DKKL1: variants seen among roughly 807,000 people sequenced by gnomAD.
The protein encoded by DKKL1 is dickkopf like acrosomal protein 1.
In DKKL1, 11 loss-of-function variants were observed where a neutral mutation model predicts 16.5. The observed-to-expected ratio is 0.67, with a 90% CI of 0.42 to 1.10. The LOEUF is 1.10. Ranked by LOEUF, DKKL1 falls within the 50% of genes least tolerant of loss-of-function variation. DKKL1 has a pLI of 0.00. For missense variants in DKKL1, 320 were observed against 308.1 expected (o/e 1.04, Z -0.29); for synonymous variants, 119 against 133.2 (o/e 0.89, Z 0.73).
upstream of DKKL1, among the ~76,000 whole-genome samples, chr19:49,362,916 T>TTTTTTG (rs1555787013): frequency 2.2e-5 from 3 of 137,216 alleles, no homozygotes; most frequent in African/African-American, 8.4e-5. Flanking sequence ...TTTTGGTTTT[T>TTTTTTG]TTGTTTTTTG....
At chr19:49,363,818 C>G, upstream of DKKL1, 2 of 845,090 alleles carry the variant, frequency 2.4e-6, no homozygotes, top group African/African-American at 1.7e-5. Flanking sequence ...AAGTTTGGAG[C>G]GTGGTCAGAC....
chr19:49,363,507 G>T, upstream of DKKL1: 1 of 229,824 alleles, frequency 4.4e-6, no homozygotes. Flanking sequence ...GCAGGGGCGT[G>T]GTCCAGTGCA....
rs149880881 is a variant in DKKL1, at chr19:49,372,773, G to A, written c.418-1944G>A. ...TCCCAGCACTTTGGGAGGCCGAGGC[G>A]GGCAGATCACCTGAGGTCAGGAGTT... On this transcript the variant is annotated intron_variant, in intron 4 of 4. Coordinates refer to ENST00000221498, the MANE Select transcript of DKKL1 (RefSeq NM_014419.4). 3.0e-3 allele frequency among the ~76,000 whole-genome samples: 443 copies of A among 148,306 alleles called. 2 individuals carry two copies. The highest frequency in any genetic ancestry group is 0.01 in the African/African-American group (418 of 40,200).
Position 49,365,599 on chromosome 19 carries a change from G to A in DKKL1, c.274G>A (p.Glu92Lys). 1 of 1,613,882 alleles carries A rather than the reference G, an allele frequency of 6.2e-7. No individual in the cohort carries two copies. The highest frequency in any genetic ancestry group is 8.5e-7 in the Non-Finnish European group (1 of 1,179,872). The change falls in exon 3 of 5, where the codon GAG becomes AAG. Residue 92 changes from glutamate to lysine, a missense_variant. Glu to Lys is a moderately conservative substitution (Grantham distance 56, BLOSUM62 1). Coordinates refer to ENST00000221498, the MANE Select transcript of DKKL1 (RefSeq NM_014419.4). ...GAACTACCACAAAGAGGAGAACCAG[G>A]AGCACCAGCTGGGGAACAACACCCT... ...PGNYHKEENQEHQLGNNTLSS... is the reference protein window; with the variant it reads ...PGNYHKEENQKHQLGNNTLSS...
At position 49,374,964 on chromosome 19, in the gene DKKL1, A is replaced by G; in HGVS notation, c.665A>G (p.His222Arg). 1 of 1,612,856 alleles carries G rather than the reference A, an allele frequency of 6.2e-7. No homozygotes were observed. The highest frequency in any genetic ancestry group is 8.5e-7 in the Non-Finnish European group (1 of 1,179,616). ...GAAGAGGGGACCGAGAGCTCCTCCC[A>G]CTCCAGGCTGTCCCCCCGAAAGACC... ...VLEEGTESSS[H>R]SRLSPRKTHL... is the part of the protein sequence containing the mutation. The change falls in exon 5 of 5, where the codon CAC (histidine) becomes CGC (arginine). Residue 222 changes from histidine (H) to arginine (R), a missense_variant. Coordinates refer to ENST00000221498, the MANE Select transcript of DKKL1 (RefSeq NM_014419.4).
rs1379104545 is a variant in DKKL1 at position 49,367,863 on chromosome 19, GT to G, written c.417+1981del. ...CATGCAATATCTTCATTTTAAAAAT[GT>G]TTATTTAAAATTTTATTTTAAAAAT... On this transcript the variant is annotated intron_variant, in intron 4 of 4. Coordinates refer to ENST00000221498, the MANE Select transcript of DKKL1 (RefSeq NM_014419.4). Among the ~76,000 whole-genome samples the G allele has an allele frequency of 8.5e-5, 13 of 152,244 alleles. No individual in the cohort carries two copies. In the East Asian group the frequency reaches 2.5e-3, roughly 29 times the overall value.
chr19:49,374,129 C>A (rs932190427), intron 4 of DKKL1, among the ~76,000 whole-genome samples: 1 of 152,032 alleles, frequency 6.6e-6, no homozygotes, highest in Non-Finnish European at 1.5e-5. Flanking sequence ...GGACTACAGG[C>A]GCCCGCAACC....
intron 4 of DKKL1, among the ~76,000 whole-genome samples, chr19:49,366,795 A>G (rs1265270544): frequency 6.9e-6 from 1 of 145,742 alleles, no homozygotes; most frequent in Non-Finnish European, 1.5e-5. Flanking sequence ...GCAACCTCCA[A>G]CTCCCAGACT....
chr19:49,364,434 G>A, intron 1 of DKKL1, 148 bp from the exon 2 acceptor site: 1 of 649,926 alleles, frequency 1.5e-6, no homozygotes, highest in Middle Eastern at 4.2e-4. Flanking sequence ...GGAGGGTGTG[G>A]GAGTAGAAGA....
rs1375709268 is a variant in DKKL1 at position 49,372,719 on chromosome 19, TG to T, written c.418-1996del. On this transcript the variant is annotated intron_variant, in intron 4 of 4. Coordinates refer to ENST00000221498, the MANE Select transcript of DKKL1 (RefSeq NM_014419.4). ...AAAAAAAAAAAAAAAATACAAAGTA[TG>T]GCCAGGAGTGGTGGCTTACACCTAT... Among the ~76,000 whole-genome samples the T allele has an allele frequency of 7.7e-5, 11 of 142,466 alleles. No individual in the cohort carries two copies. In the East Asian group the frequency reaches 2.3e-3, roughly 30 times the overall value. 93.5% of individuals were successfully genotyped at this position (142,466 alleles called of 152,430 possible). A position where few individuals can be genotyped will look rare whatever the true frequency, so the allele number is the denominator to read the frequency against.
At chr19:49,362,783 G>C (rs183840858), upstream of DKKL1, among the ~76,000 whole-genome samples, 216 of 152,126 alleles carry the variant, frequency 1.4e-3, no homozygotes, top group South Asian at 6.8e-3. Context: ...GAGAGGGGAC[G>C]GGGCTAGGCG....
At chr19:49,371,972 G>A (rs948561223) in intron 4 of DKKL1, among the ~76,000 whole-genome samples, 2 of 152,168 alleles carry the variant, frequency 1.3e-5, no homozygotes, top group Non-Finnish European at 2.9e-5. Context: ...TGGCCGAATA[G>A]TATTCCATGG....
intron 2 of DKKL1, among the ~76,000 whole-genome samples, 199 bp from the exon 3 acceptor site, chr19:49,365,310 G>A (rs1973205895): frequency 6.6e-6 from 1 of 152,156 alleles, no homozygotes; most frequent in Non-Finnish European, 1.5e-5. Context: ...GGATAGTAAG[G>A]CAATGGGACT....
intron 4 of DKKL1, among the ~76,000 whole-genome samples, chr19:49,373,963 C>T (rs1488732411): frequency 2.0e-5 from 3 of 151,922 alleles, no homozygotes; most frequent in Admixed American, 6.6e-5. Flanking sequence ...TCCCTCAACT[C>T]AAAGCTGTCC....
chr19:49,365,845 CCATT>C lies in DKKL1; in HGVS notation c.380_383del (p.Ile127AsnfsTer11). On this transcript the variant is annotated frameshift_variant, in exon 4 of 5. Coordinates refer to ENST00000221498, the MANE Select transcript of DKKL1 (RefSeq NM_014419.4). LOFTEE classifies it low-confidence loss of function (END_TRUNC). ...CTGATCTCCGAGAATGTGGTGGCAT[CCATT>C]CAACCAGCGGAGGGGAGCTTCGAGG... 3 of 1,614,132 alleles carry C rather than the reference CCATT, an allele frequency of 1.9e-6. No individual in the cohort carries two copies. Among genetic ancestry groups the C allele is most frequent in the Non-Finnish European group, 2.5e-6 (3 of 1,180,028 alleles).
chr19:49,360,878 TAGAGACCCAGAGACAGAGGGGGAC>T (rs1972825561), upstream of DKKL1, among the ~76,000 whole-genome samples: 1 of 74,322 alleles, frequency 1.3e-5, no homozygotes, highest in Non-Finnish European at 2.4e-5. Context: ...GAGGTGGGGA[TAGAGACCCAGAGACAGAGGGGGAC>T]AGAGACCAGA....
At chr19:49,364,072 G>A (rs968851840) in intron 1 of DKKL1, 64 bp downstream of exon 1, 5 of 1,597,714 alleles carry the variant, frequency 3.1e-6, no homozygotes. Flanking sequence ...GGATGAGGCC[G>A]GGTGCTGTGG....
chr19:49,365,334 G>A (rs1000268053), intron 2 of DKKL1, among the ~76,000 whole-genome samples, 175 bp from the exon 3 acceptor site: 1 of 152,064 alleles, frequency 6.6e-6, no homozygotes, highest in Non-Finnish European at 1.5e-5. Context: ...AATAGAGAGA[G>A]AATTCATGGG....
At position 49,374,831 on chromosome 19, in the gene DKKL1, A is replaced by T. The variant is rs1973660471; in HGVS notation, c.532A>T (p.Arg178Trp). ...CTGGATCATTAAGCTGCCACGGCGG[A>T]GGTCCCACCAGGATGCCCTGGAGGG... ...AFWIIKLPRR[R>W]SHQDALEGGH... Residue 178 changes from arginine to tryptophan, a missense_variant, in exon 5 of 5, where the codon AGG (arginine) becomes TGG (tryptophan). By Grantham distance (101) the Arg-to-Trp change is moderately radical. Coordinates refer to ENST00000221498, the MANE Select transcript of DKKL1 (RefSeq NM_014419.4). 1 of 1,613,654 alleles carries T rather than the reference A, an allele frequency of 6.2e-7. No homozygotes were observed. The highest frequency in any genetic ancestry group is 8.5e-7 in the Non-Finnish European group (1 of 1,179,776).
Sources: gnomAD v4.1 joint callset for allele counts (sites outside exome capture counted in the v4.1 genomes callset) on GRCh38, gnomAD v4.1.1 for gene constraint, MANE v1.5 for transcripts, NCBI Gene and HGNC (gene_info 2026-07-23, HGNC 2026-07-21) for gene names.